The following LRP5 variants were observed in gnomAD, a reference collection of about 807,000 sequenced individuals.
LRP5 encodes LDL receptor related protein 5.
Under a neutral mutation model 154.1 loss-of-function variants are expected in LRP5, and 62 were observed. That is an observed-to-expected ratio of 0.40 (90% CI 0.33 to 0.50). The LOEUF is 0.50. Among genes scored for constraint, LRP5 ranks in the 20% least tolerant of loss-of-function variants. The pLI is 0.55. For synonymous variants in LRP5, 966 were observed against 1,011.5 expected (o/e 0.96, Z 0.85); for missense variants, 1,915 against 2,336.7 (o/e 0.82, Z 3.72).
upstream of LRP5, among the ~76,000 whole-genome samples, chr11:68,307,957 A>T (rs1286371592): frequency 6.6e-6 from 1 of 152,238 alleles, no homozygotes; most frequent in Non-Finnish European, 1.5e-5. Context: ...AGGCCCAGAG[A>T]GGTGAATCCA....
intron 1 of LRP5, among the ~76,000 whole-genome samples, chr11:68,341,897 G>A (rs539385296): frequency 2.6e-5 from 4 of 152,224 alleles, no homozygotes; most frequent in Admixed American, 1.3e-4. Context: ...TACCACCCAC[G>A]TGAATACGGA....
At chr11:68,426,563 G>C (rs1490080947) in intron 16 of LRP5, among the ~76,000 whole-genome samples, 1 of 151,944 alleles carries the variant, frequency 6.6e-6, no homozygotes, top group Non-Finnish European at 1.5e-5. Context: ...AGGTAGCTGG[G>C]ACTACAGGTG....
At chr11:68,344,375 A>G (rs191441500) in intron 1 of LRP5, among the ~76,000 whole-genome samples, 3 of 151,304 alleles carry the variant, frequency 2.0e-5, no homozygotes, top group Non-Finnish European at 3.0e-5. Context: ...CTGGAGTGCA[A>G]TGGGGTGACC....
chr11:68,304,225 A>C, the LRP5 span, among the ~76,000 whole-genome samples: 1 of 152,254 alleles, frequency 6.6e-6, no homozygotes, highest in South Asian at 2.1e-4. Flanking sequence ...CCCTGCCTGC[A>C]TCTAGACTGT....
intron 1 of LRP5, among the ~76,000 whole-genome samples, chr11:68,319,072 GTTTTTTTTTTTTT>G (rs59893808): frequency 1.1e-5 from 1 of 92,248 alleles, no homozygotes; most frequent in Non-Finnish European, 2.1e-5. Flanking sequence ...CTGGCTCCTT[GTTTTTTTTTTTTT>G]TTTTTTTTTT....
rs143482432 is a variant in LRP5 at position 68,436,965 on chromosome 11, C to T, written c.4077C>T (p.Pro1359=). ...VLIKQQCDSF[P]DCIDGSDELM... ...TCAAACAGCAGTGCGACTCCTTCCCCGACTGTATCGACGGCTCCGACGAGC... is the reference window on the plus strand; with the variant it reads ...TCAAACAGCAGTGCGACTCCTTCCCTGACTGTATCGACGGCTCCGACGAGC... Residue 1359 remains proline, a synonymous_variant, in exon 19 of 23, where the codon CCC becomes CCT. Transcript: ENST00000294304. The T allele has an allele frequency of 7.1e-5, 115 of 1,613,832 alleles. No homozygotes were observed. The Middle Eastern group carries it at 9.9e-4, about 14-fold the overall frequency.
At chr11:68,406,432 GC>G in intron 8 of LRP5, 91 bp from the exon 9 acceptor site, 1 of 1,359,908 alleles carries the variant, frequency 7.4e-7, no homozygotes, top group Non-Finnish European at 1.1e-6. Context: ...GAGCTGTGTG[GC>G]TCACGGCAGC....
At chr11:68,303,178 CT>C in the LRP5 span, among the ~76,000 whole-genome samples, 1 of 152,178 alleles carries the variant, frequency 6.6e-6, no homozygotes, top group South Asian at 2.1e-4. Flanking sequence ...GTTGCCCAAG[CT>C]GGACTGCAGT....
intron 5 of LRP5, among the ~76,000 whole-genome samples, chr11:68,377,421 C>T (rs902931348): frequency 2.6e-5 from 4 of 152,090 alleles, no homozygotes; most frequent in African/African-American, 9.7e-5. Flanking sequence ...TCCCAGGCAC[C>T]GTGCAGGTGA....
intron 7 of LRP5, among the ~76,000 whole-genome samples, chr11:68,394,604 T>C (rs1311600516): frequency 6.6e-6 from 1 of 152,122 alleles, no homozygotes; most frequent in Non-Finnish European, 1.5e-5. Context: ...TAGCTGGGAC[T>C]ACAGGCGCCT....
chr11:68,343,358 C>G (rs757159786), intron 1 of LRP5, among the ~76,000 whole-genome samples: 22 of 152,202 alleles, frequency 1.4e-4, no homozygotes, highest in Non-Finnish European at 1.2e-4. Flanking sequence ...GGCGACAGCA[C>G]TGTGTATTTG....
chr11:68,386,789 T>C lies in LRP5; in HGVS notation c.1412+77T>C. On this transcript the variant is annotated intron_variant, in intron 6 of 22. Coordinates refer to ENST00000294304, the MANE Select transcript of LRP5 (RefSeq NM_002335.4). The surrounding 1 kb of genome is among the most constrained non-coding windows in gnomAD (Gnocchi z 7.9). ...CGAGAGGGAGATTGACCTGGACCTGTCATTCTGGGACACTGTCTTGCATCA... is the reference window on the plus strand; with the variant it reads ...CGAGAGGGAGATTGACCTGGACCTGCCATTCTGGGACACTGTCTTGCATCA... 4 of 1,483,248 alleles carry C rather than the reference T, an allele frequency of 2.7e-6. No homozygotes were observed. Among genetic ancestry groups the C allele is most frequent in the Non-Finnish European group, 3.6e-6 (4 of 1,098,298 alleles). The allele number at this position is 1,483,248 out of a possible 1,614,324, so 91.9% of individuals were successfully genotyped here.
At chr11:68,370,964 G>T (rs1175888734) in intron 5 of LRP5, among the ~76,000 whole-genome samples, 1 of 152,062 alleles carries the variant, frequency 6.6e-6, no homozygotes, top group Admixed American at 6.6e-5. Flanking sequence ...GGACGTGAGC[G>T]TTTCAGTTCA....
rs78303230 is a variant in LRP5, at chr11:68,331,237, G to A, written c.92-16610G>A. ...GTTGTGCCTAAGCTGATAACCTGAC[G>A]TCACCAACACTGTTCTGTCACCTTG... On this transcript the variant is annotated intron_variant, in intron 1 of 22. Coordinates refer to ENST00000294304, the MANE Select transcript of LRP5 (RefSeq NM_002335.4). Among the ~76,000 whole-genome samples the A allele has an allele frequency of 2.0e-5, 3 of 152,352 alleles. No homozygotes were observed. In the East Asian group the frequency reaches 5.8e-4, roughly 29 times the overall value.
chr11:68,370,174 C>T (rs1565351918), intron 5 of LRP5, among the ~76,000 whole-genome samples: 1 of 152,136 alleles, frequency 6.6e-6, no homozygotes. Context: ...AGGTGGAGCC[C>T]CTGGCTCTTT....
At chr11:68,388,322 C>T (rs74590624) in intron 6 of LRP5, among the ~76,000 whole-genome samples, 19,529 of 152,062 alleles carry the variant, frequency 0.13, 1,706 homozygotes, top group Admixed American at 0.27. Context: ...GCCTCGGTGT[C>T]CTCATCTGTG....
intron 11 of LRP5, 67 bp downstream of exon 11, chr11:68,411,687 C>T: frequency 6.7e-7 from 1 of 1,497,896 alleles, no homozygotes; most frequent in Non-Finnish European, 9.0e-7. Flanking sequence ...CACCTCCCAG[C>T]CTCGCCGCAC....
At chr11:68,357,923 C>A in intron 3 of LRP5, 76 bp downstream of exon 3, 1 of 1,348,298 alleles carries the variant, frequency 7.4e-7, no homozygotes, top group Non-Finnish European at 1.0e-6. Context: ...CTTCTTAACT[C>A]AGGCCTACAG....
At chr11:68,314,381 A>G (rs2098591378) in intron 1 of LRP5, among the ~76,000 whole-genome samples, 2 of 152,220 alleles carry the variant, frequency 1.3e-5, no homozygotes, top group South Asian at 4.1e-4. Flanking sequence ...GATTATTTTA[A>G]CATTAGGCAG....
Sources: allele counts gnomAD v4.1 joint callset (sites outside exome capture counted in the v4.1 genomes callset), GRCh38; gene constraint gnomAD v4.1.1; non-coding constraint Gnocchi (gnomAD v3.1); transcripts MANE v1.5; gene names NCBI Gene and HGNC (gene_info 2026-07-23, HGNC 2026-07-21).